Variants in LAPTM5 observed in about 807,000 individuals in gnomAD.
LAPTM5 encodes lysosomal protein transmembrane 5.
Under a neutral mutation model 30.1 loss-of-function variants are expected in LAPTM5, and 11 were observed. The observed-to-expected ratio is 0.37, with a 90% CI of 0.23 to 0.60. The LOEUF (loss-of-function observed/expected upper bound fraction) is 0.60, where lower values mean the gene tolerates loss of function less well. LAPTM5 is among the 20% of genes least tolerant of loss of function. The probability of loss-of-function intolerance (pLI) is 0.71; values close to 1 mark genes in which losing one functional copy is unlikely to be tolerated. For synonymous variants in LAPTM5, 151 were observed against 137.9 expected (o/e 1.10, Z -0.67); for missense variants, 324 against 332.5 (o/e 0.97, Z 0.20).
rs565762513 is a variant in LAPTM5 at position 30,749,951 on chromosome 1, G to C, written c.88-7402C>G. Among the ~76,000 whole-genome samples, 26 of 152,242 alleles carry C rather than the reference G, an allele frequency of 1.7e-4. 1 individual carries two copies. The East Asian group carries it at 4.6e-3, about 27-fold the overall frequency. On this transcript the variant is annotated intron_variant, in intron 1 of 7. Transcript: ENST00000294507. ...GGGGCCTCTGGGGTTAGAGAGAAAG[G>C]GGAAAGAGCATGCAGGAGATGTGAC...
intron 1 of LAPTM5, among the ~76,000 whole-genome samples, chr1:30,752,374 C>T (rs1158032146): frequency 1.3e-5 from 2 of 152,170 alleles, no homozygotes; most frequent in Non-Finnish European, 1.5e-5. Flanking sequence ...CGGGCAGGTC[C>T]CACCCCTGGG....
rs77510939 is a variant in LAPTM5 at position 30,744,495 on chromosome 1, C to G, written c.88-1946G>C. 4.8e-4 allele frequency among the ~76,000 whole-genome samples: 73 copies of G among 152,228 alleles called. No individual in the cohort carries two copies. The East Asian group carries it at 0.014, about 29-fold the overall frequency. ...GTCACAGCTGGGCTTAGAGAAGGAC[C>G]ATGAGCATCTGCCAGCTGTGAAATG... On this transcript the variant is annotated intron_variant, in intron 1 of 7. Coordinates refer to ENST00000294507, the MANE Select transcript of LAPTM5 (RefSeq NM_006762.3).
Position 30,733,509 on chromosome 1 carries a change from C to A in LAPTM5, c.*319G>T, listed in dbSNP as rs1452237517. On this transcript the variant is annotated 3_prime_UTR_variant, in exon 8 of 8. Transcript: ENST00000294507. ...AGTTGCTTGGCTGAACTGATCAAGT[C>A]GATAGTTGCTTGACAAACTCACCAA... 2.8e-6 allele frequency: 4 copies of A among 1,416,426 alleles called. No homozygotes were observed. Among genetic ancestry groups the A allele is most frequent in the East Asian group, 6.7e-5 (2 of 29,754 alleles). The allele number at this position is 1,416,426 out of a possible 1,614,324, so 87.7% of individuals were successfully genotyped here.
chr1:30,735,263 G>T lies in LAPTM5; in HGVS notation c.609C>A (p.Val203=). 6.2e-7 allele frequency: 1 copy of T among 1,613,762 alleles called. No homozygotes were observed. Among genetic ancestry groups the T allele is most frequent in the South Asian group, 1.1e-5 (1 of 91,062 alleles). The change falls in exon 7 of 8, where the codon GTC becomes GTA. Residue 203 remains valine, a splice_region_variant and synonymous_variant. Transcript: ENST00000294507. ...IAFITVLIFK[V]YMFKCVWRCY... ...ACCGCCACACGCACTTGAACATGTA[G>T]ACCTGGAAAAAGGCCCAGGTCAGGC...
chr1:30,739,271 C>A lies in LAPTM5; in HGVS notation c.388-209G>T. 3 of 557,764 alleles carry A rather than the reference C, an allele frequency of 5.4e-6. No individual in the cohort carries two copies. In the South Asian group the frequency reaches 6.3e-5, roughly 12 times the overall value. The allele number at this position is 557,764 out of a possible 1,614,324, so 34.6% of individuals were successfully genotyped here. On this transcript the variant is annotated intron_variant, in intron 4 of 7. Transcript: ENST00000294507. The surrounding 1 kb of genome is among the most constrained non-coding windows in gnomAD (Gnocchi z 4.2). Reference sequence around the variant, plus strand: ...CAAGACTAGAACCAAGGTCTCCAGACTCCCGGGCCAGGGCCCTTCCATGAT... The same window carrying A: ...CAAGACTAGAACCAAGGTCTCCAGAATCCCGGGCCAGGGCCCTTCCATGAT...
At chr1:30,743,090 CT>C (rs1328899641) in intron 1 of LAPTM5, among the ~76,000 whole-genome samples, 8 of 152,340 alleles carry the variant, frequency 5.3e-5, no homozygotes, top group Admixed American at 5.2e-4. Flanking sequence ...GCATCTAACC[CT>C]GAATCTCTGT....
intron 1 of LAPTM5, among the ~76,000 whole-genome samples, chr1:30,747,901 G>T (rs1421155889): frequency 6.6e-6 from 1 of 152,284 alleles, no homozygotes; most frequent in African/African-American, 2.4e-5. Flanking sequence ...GATGATCAGA[G>T]ATGCTGTTGG....
rs1432185922 is a variant in LAPTM5, at chr1:30,739,402, G to T, written c.388-340C>A. On this transcript the variant is annotated intron_variant, in intron 4 of 7. Transcript: ENST00000294507. This position sits in a 1 kb window ranked among gnomAD's most constrained non-coding sequence, Gnocchi z 4.2. ...GCAGCCCTCAAGCCACCCCACAGTG[G>T]GCGCTCACTGGCATGAATCATCCTT... Among the ~76,000 whole-genome samples, 1 of 152,188 alleles carries T rather than the reference G, an allele frequency of 6.6e-6. No individual in the cohort carries two copies. The highest frequency in any genetic ancestry group is 1.5e-5 in the Non-Finnish European group (1 of 68,032).
At position 30,737,537 on chromosome 1, in the gene LAPTM5, T is replaced by C; in HGVS notation, c.606+67A>G. On this transcript the variant is annotated intron_variant, in intron 6 of 7. Coordinates refer to ENST00000294507, the MANE Select transcript of LAPTM5 (RefSeq NM_006762.3). ...GTCCCTGCCTTCTAACAGCTTGGCA[T>C]GGGCAGGCCTGGGCCCAGCACAGCC... 5.2e-6 allele frequency: 6 copies of C among 1,151,540 alleles called. No homozygotes were observed. In the South Asian group the frequency reaches 7.9e-5, roughly 15 times the overall value. 71.3% of individuals were successfully genotyped at this position (1,151,540 alleles called of 1,614,324 possible).
chr1:30,740,328 G>A (rs1639949862), intron 3 of LAPTM5, among the ~76,000 whole-genome samples: 1 of 152,072 alleles, frequency 6.6e-6, no homozygotes, highest in Admixed American at 6.5e-5. Flanking sequence ...GGAGTGAACA[G>A]GAGGGAGGGG....
chr1:30,749,546 C>T (rs767785850), intron 1 of LAPTM5, among the ~76,000 whole-genome samples: 19 of 152,142 alleles, frequency 1.2e-4, no homozygotes, highest in African/African-American at 1.7e-4. Flanking sequence ...CCAGGTTCCA[C>T]GGGATCATGA....
chr1:30,750,906 T>A lies in LAPTM5; in HGVS notation c.87+6753A>T, dbSNP rs527537693. ...GTCCCAAGCAGCCCCTGTGCAGGGC[T>A]GAGGCAGTGCAGCTCATGGCTTTGC... On this transcript the variant is annotated intron_variant, in intron 1 of 7. Transcript: ENST00000294507. 2.0e-4 allele frequency among the ~76,000 whole-genome samples: 30 copies of A among 152,330 alleles called. No homozygotes were observed. The South Asian group carries it at 6.2e-3, about 32-fold the overall frequency.
chr1:30,748,305 C>T (rs893261884), intron 1 of LAPTM5, among the ~76,000 whole-genome samples: 4 of 152,152 alleles, frequency 2.6e-5, no homozygotes, highest in African/African-American at 7.2e-5. Context: ...GTCTTCAACC[C>T]TTCCCAACAG....
chr1:30,749,872 T>G (rs1236752768), intron 1 of LAPTM5, among the ~76,000 whole-genome samples: 1 of 152,066 alleles, frequency 6.6e-6, no homozygotes, highest in Admixed American at 6.5e-5. Context: ...CAGGCCTCAG[T>G]AAATGGCAGC....
intron 1 of LAPTM5, among the ~76,000 whole-genome samples, chr1:30,752,756 T>C (rs1640155339): frequency 6.6e-6 from 1 of 151,998 alleles, no homozygotes; most frequent in South Asian, 2.1e-4. Context: ...TGGGTGAACT[T>C]ACCTGCACGA....
chr1:30,735,281 G>A lies in LAPTM5; in HGVS notation c.607-16C>T, dbSNP rs1639870239. The A allele has an allele frequency of 4.3e-6, 7 of 1,610,970 alleles. No individual in the cohort carries two copies. Among genetic ancestry groups the A allele is most frequent in the East Asian group, 2.2e-5 (1 of 44,882 alleles). On this transcript the variant is annotated splice_polypyrimidine_tract_variant and intron_variant, in intron 6 of 7. Coordinates refer to ENST00000294507, the MANE Select transcript of LAPTM5 (RefSeq NM_006762.3). ...ACATGTAGACCTGGAAAAAGGCCCA[G>A]GTCAGGCTGTGCTTTGCTGAGCGTC...
At chr1:30,755,329 C>A (rs1331646236) in intron 1 of LAPTM5, among the ~76,000 whole-genome samples, 1 of 151,730 alleles carries the variant, frequency 6.6e-6, no homozygotes, top group East Asian at 1.9e-4. Context: ...CAATTCACTC[C>A]CCCAAGATGA....
intron 5 of LAPTM5, among the ~76,000 whole-genome samples, chr1:30,738,316 C>T (rs972422084): frequency 1.3e-5 from 2 of 152,220 alleles, no homozygotes; most frequent in African/African-American, 4.8e-5. Context: ...TCTCTTACAT[C>T]ACTCCCGCAG....
chr1:30,750,791 T>C (rs1569872722), intron 1 of LAPTM5, among the ~76,000 whole-genome samples: 1 of 152,198 alleles, frequency 6.6e-6, no homozygotes, highest in Admixed American at 6.5e-5. Context: ...GAGGCCCCCG[T>C]GGCAGCTGCC....
Sources: allele counts gnomAD v4.1 joint callset (sites outside exome capture counted in the v4.1 genomes callset), GRCh38; gene constraint gnomAD v4.1.1; non-coding constraint Gnocchi (gnomAD v3.1); transcripts MANE v1.5; gene names NCBI Gene and HGNC (gene_info 2026-07-23, HGNC 2026-07-21).